PCCB: variants seen among roughly 807,000 people sequenced by gnomAD.
PCCB encodes the protein propionyl-CoA carboxylase beta chain, mitochondrial.
Under a neutral mutation model 60.7 loss-of-function variants are expected in PCCB, and 43 were observed. That is an observed-to-expected ratio of 0.71 (90% CI 0.55 to 0.91). The LOEUF is 0.91. Ranked by LOEUF, PCCB falls within the 40% of genes least tolerant of loss-of-function variation. The pLI, the probability that PCCB is intolerant of heterozygous loss-of-function variation, is 0.00. For missense variants in PCCB, 766 were observed against 702.8 expected (o/e 1.09, Z -1.02); for synonymous variants, 276 against 255.9 (o/e 1.08, Z -0.75).
In PCCB at chr3:136,250,405, C is replaced by G. The variant is rs754303318; in HGVS notation, c.30C>G (p.Val10=). Residue 10 remains valine, a synonymous_variant, in exon 1 of 15, where the codon GTC becomes GTG. Coordinates refer to ENST00000251654, the MANE Select transcript of PCCB (RefSeq NM_000532.5). MAAALRVAA[V]GARLSVLASG... ...CGGCGGCATTACGGGTGGCGGCGGT[C>G]GGGGCAAGGCTCAGCGTTCTGGCGA... is the stretch of plus-strand genomic sequence containing the variant. 2 of 1,544,240 alleles carry G rather than the reference C, an allele frequency of 1.3e-6. No individual in the cohort carries two copies. Among genetic ancestry groups the G allele is most frequent in the East Asian group, 2.4e-5 (1 of 42,068 alleles).
intron 9 of PCCB, among the ~76,000 whole-genome samples, chr3:136,301,843 C>T (rs1198906373): frequency 7.2e-5 from 11 of 152,150 alleles, no homozygotes; most frequent in Admixed American, 7.2e-4. Flanking sequence ...TTAAGGTCTT[C>T]CTTAGGTCTT....
chr3:136,251,087 G>A lies in PCCB; in HGVS notation c.183+529G>A, dbSNP rs151171818. ...GGAACTTCTGCCCGCAGAATGCCTG[G>A]TCGAGCTCTTTAGGGCCTTAGCATG... On this transcript the variant is annotated intron_variant, in intron 1 of 14. Transcript: ENST00000251654. Among the ~76,000 whole-genome samples the A allele has an allele frequency of 5.7e-3, 868 of 152,298 alleles. 7 individuals carry two copies. Among genetic ancestry groups the A allele is most frequent in the African/African-American group, 0.019 (809 of 41,562 alleles).
At chr3:136,268,110 A>ATATATATATG (rs2108158187) in intron 5 of PCCB, among the ~76,000 whole-genome samples, 1 of 126,576 alleles carries the variant, frequency 7.9e-6, no homozygotes, top group African/African-American at 3.1e-5. Flanking sequence ...ATATATATAT[A>ATATATATATG]TATATATATA....
intron 10 of PCCB, among the ~76,000 whole-genome samples, chr3:136,324,738 CAG>C (rs1222463524): frequency 2.6e-5 from 4 of 152,240 alleles, no homozygotes; most frequent in African/African-American, 9.6e-5. Context: ...TTAGGTGAAA[CAG>C]AGATGTGTTC....
intron 5 of PCCB, among the ~76,000 whole-genome samples, chr3:136,275,811 C>T (rs1942319060): frequency 6.6e-6 from 1 of 152,132 alleles, no homozygotes; most frequent in Admixed American, 6.5e-5. Flanking sequence ...CGCTCTGTCA[C>T]TCAGGCTGGA....
In PCCB at chr3:136,260,547, A is replaced by G. The variant is rs769894549; in HGVS notation, c.429+12A>G. On this transcript the variant is annotated intron_variant, in intron 4 of 14. Coordinates refer to ENST00000251654, the MANE Select transcript of PCCB (RefSeq NM_000532.5). ...AAAAGATCTGCAAAGTAAGTGTTTA[A>G]TACTCAAATTCAATCCATTGCTTTC... The G allele has an allele frequency of 1.9e-6, 3 of 1,605,408 alleles. No homozygotes were observed. In the South Asian group the frequency reaches 3.3e-5, roughly 18 times the overall value.
At chr3:136,279,093 A>C (rs562303323) in intron 5 of PCCB, among the ~76,000 whole-genome samples, 2 of 152,248 alleles carry the variant, frequency 1.3e-5, no homozygotes, top group African/African-American at 2.4e-5. Context: ...CTTTAGTCTG[A>C]TAGTAATATA....
chr3:136,299,665 G>T (rs1213475330), intron 8 of PCCB, among the ~76,000 whole-genome samples: 11 of 93,876 alleles, frequency 1.2e-4, no homozygotes, highest in Admixed American at 1.1e-4. Flanking sequence ...TGTATGTATA[G>T]GTATGCATGT....
chr3:136,252,179 G>T (rs1941535246), intron 1 of PCCB: 4 of 425,474 alleles, frequency 9.4e-6, no homozygotes, highest in Non-Finnish European at 1.4e-5. Flanking sequence ...ACTGCACCCG[G>T]CCCTGCACCC....
chr3:136,325,785 A>G (rs898477700), intron 10 of PCCB, among the ~76,000 whole-genome samples: 4 of 152,076 alleles, frequency 2.6e-5, no homozygotes, highest in Admixed American at 1.3e-4. Context: ...TCAACCTTGA[A>G]TTCTTGGGAT....
intron 5 of PCCB, among the ~76,000 whole-genome samples, chr3:136,264,928 G>A (rs1168944143): frequency 2.0e-5 from 3 of 151,582 alleles, no homozygotes; most frequent in Non-Finnish European, 4.4e-5. Flanking sequence ...GGGCACGGTG[G>A]CTCATGCCTG....
intron 1 of PCCB, among the ~76,000 whole-genome samples, chr3:136,255,134 A>G (rs951839892): frequency 2.0e-5 from 3 of 151,966 alleles, no homozygotes; most frequent in African/African-American, 7.3e-5. Context: ...TCTGCCTCTC[A>G]AAGTGCTGGG....
At chr3:136,269,208 G>T (rs1353746801) in intron 5 of PCCB, among the ~76,000 whole-genome samples, 1 of 152,176 alleles carries the variant, frequency 6.6e-6, no homozygotes, top group Admixed American at 6.5e-5. Flanking sequence ...TTGAATCCAG[G>T]AGGCGGAGGT....
chr3:136,294,319 T>TA (rs1489585775), intron 7 of PCCB, among the ~76,000 whole-genome samples: 7 of 151,328 alleles, frequency 4.6e-5, no homozygotes, highest in Non-Finnish European at 7.4e-5. Flanking sequence ...GTTGTTAACT[T>TA]CTTTTTTTTT....
intron 10 of PCCB, among the ~76,000 whole-genome samples, chr3:136,324,078 A>G (rs1454065111): frequency 6.8e-6 from 1 of 147,354 alleles, no homozygotes; most frequent in African/African-American, 2.5e-5. Flanking sequence ...ATTTTTTGTC[A>G]TTTGTGGTCA....
At chr3:136,294,203 A>G (rs1933833528) in intron 7 of PCCB, among the ~76,000 whole-genome samples, 1 of 152,036 alleles carries the variant, frequency 6.6e-6, no homozygotes, top group South Asian at 2.1e-4. Context: ...TTATTGTGAC[A>G]TTTTTTATTC....
intron 5 of PCCB, 75 bp from the exon 6 acceptor site, chr3:136,283,762 G>A: frequency 9.6e-7 from 1 of 1,036,782 alleles, no homozygotes; most frequent in East Asian, 2.4e-5. Flanking sequence ...TTATCTTATT[G>A]TTGTCTTTAT....
intron 10 of PCCB, among the ~76,000 whole-genome samples, chr3:136,322,002 C>T (rs1373119127): frequency 2.6e-5 from 4 of 152,202 alleles, no homozygotes; most frequent in Admixed American, 2.0e-4. Flanking sequence ...TTAGCCAGGA[C>T]TTCCAATACA....
At chr3:136,272,311 C>T (rs1309084260) in intron 5 of PCCB, among the ~76,000 whole-genome samples, 1 of 151,890 alleles carries the variant, frequency 6.6e-6, no homozygotes, top group Non-Finnish European at 1.5e-5. Context: ...AGACACTGGT[C>T]TGTAGTTTTC....
Sources: gnomAD v4.1 joint callset for allele counts (sites outside exome capture counted in the v4.1 genomes callset) on GRCh38, gnomAD v4.1.1 for gene constraint, MANE v1.5 for transcripts, NCBI Gene and HGNC (gene_info 2026-07-23, HGNC 2026-07-21) for gene names.